CD22: variants seen among roughly 807,000 people sequenced by gnomAD.
CD22 encodes the protein B-cell receptor CD22.
In CD22, 51 loss-of-function variants were observed where a neutral mutation model predicts 94.7. The ratio of observed to expected loss-of-function variants is 0.54; its 90% CI spans 0.43 to 0.68. The LOEUF is 0.68. Among genes scored for constraint, CD22 ranks in the 30% least tolerant of loss-of-function variants. The pLI, the probability that CD22 is intolerant of heterozygous loss-of-function variation, is 0.00. For missense variants in CD22, 931 were observed against 1,060.4 expected, an observed-to-expected ratio of 0.88 and a Z score of 1.69; for synonymous variants, 424 against 422.5, an observed-to-expected ratio of 1.00 and a Z score of -0.04.
chr19:35,337,466 GCT>G lies in CD22; in HGVS notation c.719-288_719-287del, dbSNP rs2066741849. ...TGGAGCAGGACTCTGGATCCCGAGG[GCT>G]GAGGTGAGGGTTTGGGATTCTATGC... On this transcript the variant is annotated intron_variant, in intron 4 of 13. Coordinates refer to ENST00000085219, the MANE Select transcript of CD22 (RefSeq NM_001771.4). The surrounding 1 kb of genome is among the most constrained non-coding windows in gnomAD (Gnocchi z 4.4). 6.6e-6 allele frequency among the ~76,000 whole-genome samples: 1 copy of G among 152,180 alleles called. No individual in the cohort carries two copies. The highest frequency in any genetic ancestry group is 2.1e-4 in the South Asian group (1 of 4,830).
intron 3 of CD22, among the ~76,000 whole-genome samples, chr19:35,334,951 G>A (rs1179789328): frequency 2.6e-5 from 4 of 151,986 alleles, no homozygotes; most frequent in Admixed American, 2.0e-4. Context: ...GGTGGCAGGC[G>A]CCTGTAGTCC....
chr19:35,343,527 C>CT (rs1396936912), intron 9 of CD22, among the ~76,000 whole-genome samples: 1 of 152,168 alleles, frequency 6.6e-6, no homozygotes, highest in Non-Finnish European at 1.5e-5. Flanking sequence ...ATTTTCTTTG[C>CT]TTTTTTCCAT....
intron 9 of CD22, 73 bp downstream of exon 9, chr19:35,342,038 C>CTTCCT (rs2066820555): frequency 1.8e-6 from 2 of 1,106,112 alleles, no homozygotes; most frequent in Non-Finnish European, 2.5e-6. Flanking sequence ...TCCTTCCTTC[C>CTTCCT]TTCCTTCCTT....
chr19:35,341,246 G>C lies in CD22; in HGVS notation c.1508-97G>C. The C allele has an allele frequency of 1.3e-6, 2 of 1,595,546 alleles. No homozygotes were observed. The highest frequency in any genetic ancestry group is 1.7e-6 in the Non-Finnish European group (2 of 1,168,676). The stretch of plus-strand genomic sequence containing the variant: ...GCCAGTGTCTTCAACAGAATTGAGG[G>C]ACAGGAGCCTGGCGTCAGGGCCAAG... On this transcript the variant is annotated intron_variant, in intron 7 of 13. Coordinates refer to ENST00000085219, the MANE Select transcript of CD22 (RefSeq NM_001771.4). The surrounding 1 kb of genome is among the most constrained non-coding windows in gnomAD (Gnocchi z 4.0).
Position 35,345,142 on chromosome 19 carries a change from G to A in CD22, c.2208+16G>A. On this transcript the variant is annotated intron_variant, in intron 11 of 13. Transcript: ENST00000085219. ...GAATAAAAAGGTAGGATGGGGCTGG[G>A]CACGATGGCTCATGCCTGTAATCCC... 1 of 1,611,896 alleles carries A rather than the reference G, an allele frequency of 6.2e-7. No individual in the cohort carries two copies.
intron 2 of CD22, chr19:35,332,325 C>A: frequency 1.5e-6 from 1 of 647,472 alleles, no homozygotes; most frequent in Non-Finnish European, 2.6e-6. Context: ...CTTTAGAAAG[C>A]TCTCTGCTGG....
In CD22 at chr19:35,334,690, G is replaced by A. The variant is rs561037860; in HGVS notation, c.413-1346G>A. Among the ~76,000 whole-genome samples, 10 of 152,284 alleles carry A rather than the reference G, an allele frequency of 6.6e-5. No homozygotes were observed. The South Asian group carries it at 1.0e-3, about 16-fold the overall frequency. On this transcript the variant is annotated intron_variant, in intron 3 of 13. Transcript: ENST00000085219. ...CCACTCCACTAAAGGAATGCGGTGC[G>A]TGGATGGCTGCAATACTGAAGGAAG... is the stretch of plus-strand genomic sequence containing the variant.
rs367550981 is a variant in CD22, at chr19:35,347,221, A to G, written c.*524A>G. The G allele has an allele frequency of 2.0e-5, 3 of 153,710 alleles. No homozygotes were observed. The East Asian group carries it at 5.8e-4, about 30-fold the overall frequency. The allele number at this position is 153,710 out of a possible 1,614,324, so 9.5% of individuals were successfully genotyped here. Reference sequence around the variant, plus strand: ...TGGCCTGGCTTCTCCTTTGGAAGTGAGGCATTGCACGGGGAGACGTACGTA... The same window carrying G: ...TGGCCTGGCTTCTCCTTTGGAAGTGGGGCATTGCACGGGGAGACGTACGTA... On this transcript the variant is annotated 3_prime_UTR_variant, in exon 14 of 14. Transcript: ENST00000085219.
chr19:35,341,264 G>C lies in CD22; in HGVS notation c.1508-79G>C. 1.9e-6 allele frequency: 3 copies of C among 1,594,982 alleles called. No individual in the cohort carries two copies. Among genetic ancestry groups the C allele is most frequent in the Admixed American group, 3.4e-5 (2 of 58,454 alleles). Reference sequence around the variant, plus strand: ...ATTGAGGGACAGGAGCCTGGCGTCAGGGCCAAGGGGAGGGGAGGCCTGGGG... The same window carrying C: ...ATTGAGGGACAGGAGCCTGGCGTCACGGCCAAGGGGAGGGGAGGCCTGGGG... On this transcript the variant is annotated intron_variant, in intron 7 of 13. Transcript: ENST00000085219. The surrounding 1 kb of genome is among the most constrained non-coding windows in gnomAD (Gnocchi z 4.0).
chr19:35,339,582 A>G (rs560227818), intron 6 of CD22, among the ~76,000 whole-genome samples: 7 of 152,212 alleles, frequency 4.6e-5, no homozygotes, highest in Admixed American at 6.5e-5. Context: ...TTGGCCAGGC[A>G]TGGTGGCTTA....
intron 3 of CD22, 117 bp downstream of exon 3, chr19:35,333,041 G>T: frequency 9.3e-7 from 1 of 1,080,660 alleles, no homozygotes; most frequent in Admixed American, 2.5e-5. Context: ...TCAGGCAGGG[G>T]ACGCCAGCGG....
In CD22 at chr19:35,337,725, C is replaced by T; in HGVS notation, c.719-30C>T. ...CTCCACCCTCTGAGGATTCCCCGCC[C>T]CCTCCCCGACTGCCCCTCTGCTCCT... is the stretch of plus-strand genomic sequence containing the variant. On this transcript the variant is annotated intron_variant, in intron 4 of 13. Transcript: ENST00000085219. The surrounding 1 kb of genome is among the most constrained non-coding windows in gnomAD (Gnocchi z 4.4). 6.4e-7 allele frequency: 1 copy of T among 1,565,038 alleles called. No homozygotes were observed. Among genetic ancestry groups the T allele is most frequent in the Non-Finnish European group, 8.7e-7 (1 of 1,147,782 alleles).
chr19:35,338,429 A>T lies in CD22; in HGVS notation c.1247A>T (p.Gln416Leu). Residue 416 changes from glutamine to leucine, a missense_variant and splice_region_variant, in exon 6 of 14, where the codon CAG becomes CTG. Gln to Leu is a moderately radical substitution (Grantham distance 113). Coordinates refer to ENST00000085219, the MANE Select transcript of CD22 (RefSeq NM_001771.4). ...QRGPGAELDV[Q>L]YPPKKVTTVI... is the part of the protein sequence containing the mutation. ...GGCCCGGGAGCTGAGCTGGATGTCC[A>T]GTGTGAGTAGCCACGGAGCCTCTGG... 6.2e-7 allele frequency: 1 copy of T among 1,611,590 alleles called. No homozygotes were observed. The highest frequency in any genetic ancestry group is 8.5e-7 in the Non-Finnish European group (1 of 1,178,276).
intron 1 of CD22, chr19:35,329,623 A>C: frequency 5.0e-6 from 1 of 201,708 alleles, no homozygotes; most frequent in East Asian, 1.0e-4. Flanking sequence ...CTGGGGCCCT[A>C]CTCCTGTGCT....
rs191141132 is a variant in CD22 at position 35,337,979 on chromosome 19, G to T, written c.943G>T (p.Val315Leu). 6.2e-7 allele frequency: 1 copy of T among 1,613,976 alleles called. No homozygotes were observed. The highest frequency in any genetic ancestry group is 8.5e-7 in the Non-Finnish European group (1 of 1,179,858). Reference sequence around the variant, plus strand: ...GTACTGCTGTCAGGTCTCCAATGACGTGGGCCCGGGAAGGTCGGAAGAAGT... The same window carrying T: ...GTACTGCTGTCAGGTCTCCAATGACTTGGGCCCGGGAAGGTCGGAAGAAGT... ...GKYCCQVSND[V>L]GPGRSEEVFL... Residue 315 changes from valine to leucine, a missense_variant, in exon 5 of 14, where the codon GTG (valine) becomes TTG (leucine). Physicochemically the swap from Val to Leu is conservative, Grantham distance 32. Transcript: ENST00000085219. The surrounding 1 kb of genome is among the most constrained non-coding windows in gnomAD (Gnocchi z 4.4).
chr19:35,339,587 G>T (rs750409364), intron 6 of CD22, among the ~76,000 whole-genome samples: 8 of 152,080 alleles, frequency 5.3e-5, no homozygotes, highest in Non-Finnish European at 8.8e-5. Context: ...CAGGCATGGT[G>T]GCTTACGCCT....
intron 3 of CD22, among the ~76,000 whole-genome samples, chr19:35,333,472 A>G (rs1470062457): frequency 6.6e-6 from 1 of 152,216 alleles, no homozygotes; most frequent in African/African-American, 2.4e-5. Flanking sequence ...CCACCCCTAC[A>G]TGTGCAGTGC....
At chr19:35,342,966 A>T (rs1016227970) in intron 9 of CD22, among the ~76,000 whole-genome samples, 3 of 151,872 alleles carry the variant, frequency 2.0e-5, no homozygotes, top group Non-Finnish European at 2.9e-5. Flanking sequence ...GCCTGCCACC[A>T]TGCCCGGCTA....
In CD22 at chr19:35,332,539, G is replaced by A; in HGVS notation, c.35-8G>A. ...CCCTTAGTAATGCTTTCTGATCACT[G>A]TGGTGAGTTCTAGAATACTTGGCTT... On this transcript the variant is annotated splice_polypyrimidine_tract_variant and splice_region_variant and intron_variant, in intron 2 of 13. Coordinates refer to ENST00000085219, the MANE Select transcript of CD22 (RefSeq NM_001771.4). 6.2e-7 allele frequency: 1 copy of A among 1,602,578 alleles called. No individual in the cohort carries two copies. Among genetic ancestry groups the A allele is most frequent in the Non-Finnish European group, 8.5e-7 (1 of 1,174,910 alleles).
Sources: gnomAD v4.1 joint callset for allele counts (sites outside exome capture counted in the v4.1 genomes callset) on GRCh38, gnomAD v4.1.1 for gene constraint, Gnocchi (gnomAD v3.1) non-coding constraint, MANE v1.5 for transcripts, NCBI Gene and HGNC (gene_info 2026-07-23, HGNC 2026-07-21) for gene names.